Variants in GBP7 observed in about 807,000 individuals in gnomAD.
The protein encoded by GBP7 is guanylate binding protein 7.
GBP7 carries 43 observed loss-of-function variants against 61.3 expected under a neutral mutation model. The ratio of observed to expected loss-of-function variants is 0.70; its 90% CI spans 0.55 to 0.91. The LOEUF is 0.91. Ranked by LOEUF, GBP7 falls within the 40% of genes least tolerant of loss-of-function variation. GBP7 has a pLI of 0.00. For synonymous variants in GBP7, 267 were observed against 271.0 expected (o/e 0.99, Z 0.14); for missense variants, 717 against 740.5 (o/e 0.97, Z 0.37).
At chr1:89,173,243 C>T (rs1647653796) in intron 1 of GBP7, among the ~76,000 whole-genome samples, 3 of 152,086 alleles carry the variant, frequency 2.0e-5, no homozygotes, top group Admixed American at 2.0e-4. Flanking sequence ...TAGGTGTGTT[C>T]ATTATTTCTA....
chr1:89,149,164 C>G, intron 7 of GBP7, 128 bp downstream of exon 7: 2 of 713,680 alleles, frequency 2.8e-6, no homozygotes, highest in Non-Finnish European at 4.3e-6. Flanking sequence ...CCATTAAATT[C>G]AGTCACATAA....
intron 7 of GBP7, among the ~76,000 whole-genome samples, chr1:89,147,981 C>T (rs567130308): frequency 6.6e-6 from 1 of 152,282 alleles, no homozygotes; most frequent in Admixed American, 6.5e-5. Context: ...CTCTATCTTT[C>T]CTTCAGCAAA....
Position 89,149,341 on chromosome 1 carries a change from A to C in GBP7, c.1103T>G (p.Met368Arg). The change falls in exon 7 of 11, where the codon ATG becomes AGG. Residue 368 changes from methionine (M) to arginine (R), a missense_variant. By Grantham distance (91) the Met-to-Arg change is moderately conservative (BLOSUM62 -1). Coordinates refer to ENST00000294671, the MANE Select transcript of GBP7 (RefSeq NM_207398.3). ...VCEREAIAVFMEYSFKDKSQE... is the reference protein window; with the variant it reads ...VCEREAIAVFREYSFKDKSQE... ...GCTTTTATCTTTGAAGGAGTACTCC[A>C]TGAAGACTGCAATGGCTTCCCTCTC... is the stretch of plus-strand genomic sequence containing the variant. 1 of 1,614,014 alleles carries C rather than the reference A, an allele frequency of 6.2e-7. No homozygotes were observed.
chr1:89,164,669 A>G, intron 3 of GBP7, 62 bp downstream of exon 3: 2 of 1,507,524 alleles, frequency 1.3e-6, no homozygotes, highest in Non-Finnish European at 1.8e-6. Context: ...GATTGATACT[A>G]TGCATAAAAA....
rs1408210772 is a variant in GBP7 at position 89,132,322 on chromosome 1, T to C, written c.1744A>G (p.Ile582Val). Residue 582 changes from isoleucine to valine, a missense_variant, in exon 11 of 11, where the codon ATT becomes GTT. Around this residue, in one of 3 missense-constraint regions of GBP7, gnomAD observed 312 missense variants for 310.1 expected, o/e 1.01. Transcript: ENST00000294671. ...NEEINRLKEQ[I>V]EAAENEEPSV... The stretch of plus-strand genomic sequence containing the variant: ...GGCTCTTCATTTTCAGCTGCTTCAA[T>C]TTGTTCTTTCAGTCGATTAATCTCT... 6.2e-7 allele frequency: 1 copy of C among 1,613,890 alleles called. No individual in the cohort carries two copies. Among genetic ancestry groups the C allele is most frequent in the Admixed American group, 1.7e-5 (1 of 60,022 alleles).
Position 89,152,696 on chromosome 1 carries a change from T to C in GBP7, c.400A>G (p.Ile134Val). The C allele has an allele frequency of 6.2e-7, 1 of 1,612,830 alleles. No individual in the cohort carries two copies. Among genetic ancestry groups the C allele is most frequent in the Non-Finnish European group, 8.5e-7 (1 of 1,179,944 alleles). ...SSFVYNSMGT[I>V]NHQALEQLHY... ...AGCTGCTCCAGGGCCTGGTGGTTGA[T>C]GGTGCCCATGCTGTTGTAGACAAAG... Residue 134 changes from isoleucine to valine, a missense_variant, in exon 4 of 11, where the codon ATC becomes GTC. This residue lies in a region of GBP7 where 387 missense variants were observed against 385.2 expected (regional missense o/e 1.00). Transcript: ENST00000294671.
intron 9 of GBP7, among the ~76,000 whole-genome samples, chr1:89,136,866 T>A (rs1043711363): frequency 5.3e-5 from 8 of 151,640 alleles, no homozygotes; most frequent in African/African-American, 1.9e-4. Context: ...ATGAAACCAA[T>A]GGTTCTCTGG....
At chr1:89,140,498 A>T (rs1681913935) in intron 9 of GBP7, among the ~76,000 whole-genome samples, 1 of 151,428 alleles carries the variant, frequency 6.6e-6, no homozygotes, top group African/African-American at 2.4e-5. Flanking sequence ...AGCACATGAG[A>T]TATCATCTCA....
At chr1:89,165,688 T>C (rs1187919025) in intron 2 of GBP7, among the ~76,000 whole-genome samples, 1 of 151,178 alleles carries the variant, frequency 6.6e-6, no homozygotes, top group Admixed American at 6.6e-5. Context: ...AAACATCACA[T>C]GTTCTCACTC....
chr1:89,154,465 G>T (rs562658940), intron 3 of GBP7, among the ~76,000 whole-genome samples: 39 of 152,156 alleles, frequency 2.6e-4, no homozygotes, highest in African/African-American at 9.4e-4. Context: ...TTCCACCTCA[G>T]CTTCTGAAAT....
At chr1:89,168,312 C>G (rs984320709) in intron 2 of GBP7, among the ~76,000 whole-genome samples, 1 of 152,144 alleles carries the variant, frequency 6.6e-6, no homozygotes, top group African/African-American at 2.4e-5. Flanking sequence ...TTTTTAACCC[C>G]TTTGTGCTTT....
intron 5 of GBP7, among the ~76,000 whole-genome samples, chr1:89,151,124 G>C (rs865840121): frequency 7.2e-5 from 11 of 151,992 alleles, no homozygotes; most frequent in Non-Finnish European, 1.6e-4. Context: ...GTTAAGGATA[G>C]TTCTCCTGCA....
intron 8 of GBP7, 71 bp downstream of exon 8, chr1:89,147,496 T>C: frequency 8.3e-7 from 1 of 1,211,634 alleles, no homozygotes; most frequent in Non-Finnish European, 1.2e-6. Flanking sequence ...TGTTCTTAGA[T>C]TTTCAGAAGA....
At chr1:89,154,633 G>C (rs149923825) in intron 3 of GBP7, among the ~76,000 whole-genome samples, 2,500 of 149,200 alleles carry the variant, frequency 0.017, 65 homozygotes, top group African/African-American at 0.057. Context: ...AGGTGTGAGC[G>C]ACCACACCTG....
At chr1:89,152,568 A>G (rs1557459489) in intron 4 of GBP7, 100 bp downstream of exon 4, 1 of 1,498,248 alleles carries the variant, frequency 6.7e-7, no homozygotes, top group East Asian at 2.3e-5. Flanking sequence ...TTCTCTTCTT[A>G]CTCAACCAGG....
intron 9 of GBP7, among the ~76,000 whole-genome samples, chr1:89,135,973 A>G (rs1037470687): frequency 1.3e-5 from 2 of 152,184 alleles, no homozygotes; most frequent in Admixed American, 6.5e-5. Flanking sequence ...AGAAAAATCT[A>G]TCAAGCAAAT....
At chr1:89,171,626 C>T in intron 2 of GBP7, 120 bp downstream of exon 2, 1 of 833,432 alleles carries the variant, frequency 1.2e-6, no homozygotes, top group Non-Finnish European at 1.8e-6. Context: ...CTGATGAATT[C>T]AAAGTTAGCT....
intron 3 of GBP7, among the ~76,000 whole-genome samples, chr1:89,163,948 C>T (rs1647346506): frequency 6.6e-6 from 1 of 151,890 alleles, no homozygotes; most frequent in Middle Eastern, 3.2e-3. Flanking sequence ...CGGTTCAGTG[C>T]AACCTCCACT....
At chr1:89,136,463 G>GTC (rs1681804417) in intron 9 of GBP7, among the ~76,000 whole-genome samples, 1 of 151,876 alleles carries the variant, frequency 6.6e-6, no homozygotes, top group Non-Finnish European at 1.5e-5. Context: ...TACCAATGCT[G>GTC]TCAGACCACA....
Sources: gnomAD v4.1 joint callset for allele counts (sites outside exome capture counted in the v4.1 genomes callset) on GRCh38, gnomAD v4.1.1 for gene constraint, gnomAD v4.1.1 regional missense constraint, MANE v1.5 for transcripts, NCBI Gene and HGNC (gene_info 2026-07-23, HGNC 2026-07-21) for gene names.